CPQ: variants seen among roughly 807,000 people sequenced by gnomAD.
CPQ encodes the protein Ser-Met dipeptidase.
In CPQ, 37 loss-of-function variants were observed where a neutral mutation model predicts 45.7. The observed-to-expected ratio is 0.81, with a 90% confidence interval of 0.62 to 1.07. The LOEUF (loss-of-function observed/expected upper bound fraction) is 1.07. Ranked by LOEUF, CPQ falls within the 50% of genes least tolerant of loss-of-function variation. The probability of loss-of-function intolerance (pLI) is 0.00; values close to 1 mark genes in which losing one functional copy is unlikely to be tolerated. For synonymous variants in CPQ, 186 were observed against 205.8 expected (o/e 0.90, Z 0.82); for missense variants, 537 against 572.9 (o/e 0.94, Z 0.64).
intron 1 of CPQ, among the ~76,000 whole-genome samples, chr8:96,674,556 T>G (rs1311962240): frequency 1.3e-5 from 2 of 152,258 alleles, no homozygotes; most frequent in East Asian, 3.9e-4. Context: ...TTCCTGTTTC[T>G]TTAGATAAAG....
intron 6 of CPQ, among the ~76,000 whole-genome samples, 172 bp downstream of exon 6, chr8:97,029,666 T>C (rs1266756233): frequency 3.3e-5 from 5 of 152,190 alleles, no homozygotes; most frequent in African/African-American, 1.2e-4. Flanking sequence ...GGTAAACCAA[T>C]GATGCTGTGG....
chr8:96,861,004 G>A (rs1250745514), intron 3 of CPQ, among the ~76,000 whole-genome samples: 1 of 152,080 alleles, frequency 6.6e-6, no homozygotes, highest in Non-Finnish European at 1.5e-5. Flanking sequence ...ATATAACGGA[G>A]GAAGGGTCAG....
At chr8:96,829,035 T>C (rs539155802) in intron 2 of CPQ, among the ~76,000 whole-genome samples, 17 of 152,202 alleles carry the variant, frequency 1.1e-4, no homozygotes, top group Admixed American at 2.0e-4. Flanking sequence ...GAATTGAACA[T>C]AATGGGCCTG....
At chr8:96,851,584 G>A (rs923453188) in intron 3 of CPQ, among the ~76,000 whole-genome samples, 3 of 152,136 alleles carry the variant, frequency 2.0e-5, no homozygotes, top group Non-Finnish European at 2.9e-5. Flanking sequence ...CCAAATCTTT[G>A]TGTGAAACCT....
intron 2 of CPQ, 127 bp from the exon 3 acceptor site, chr8:96,834,846 A>C (rs1207518547): frequency 8.0e-6 from 6 of 748,204 alleles, no homozygotes; most frequent in African/African-American, 1.8e-5. Flanking sequence ...AATGGCTCTA[A>C]AACTTTGATC....
chr8:96,958,491 G>T (rs118020845), intron 4 of CPQ, among the ~76,000 whole-genome samples: 1 of 152,090 alleles, frequency 6.6e-6, no homozygotes, highest in South Asian at 2.1e-4. Context: ...ACTTCTGGAT[G>T]CAACCCAGTT....
At chr8:96,746,106 G>T (rs943827231) in intron 1 of CPQ, among the ~76,000 whole-genome samples, 1 of 152,172 alleles carries the variant, frequency 6.6e-6, no homozygotes, top group Non-Finnish European at 1.5e-5. Context: ...GATGTGTACA[G>T]GTGGGGACTT....
At chr8:97,041,351 C>A (rs1287290230) in intron 6 of CPQ, among the ~76,000 whole-genome samples, 3 of 152,102 alleles carry the variant, frequency 2.0e-5, no homozygotes, top group Non-Finnish European at 2.9e-5. Flanking sequence ...TGAGACTTTG[C>A]TGAAGTTGCT....
intron 6 of CPQ, among the ~76,000 whole-genome samples, chr8:97,045,984 C>T (rs1254754360): frequency 2.0e-5 from 3 of 152,226 alleles, no homozygotes; most frequent in East Asian, 1.9e-4. Context: ...GAAGATCAGG[C>T]AGGGAACTGA....
intron 1 of CPQ, among the ~76,000 whole-genome samples, chr8:96,649,454 AAGAT>A (rs1815553935): frequency 6.6e-6 from 1 of 152,252 alleles, no homozygotes; most frequent in African/African-American, 2.4e-5. Flanking sequence ...GATCTAAACT[AAGAT>A]AGGTTTGAGA....
intron 6 of CPQ, among the ~76,000 whole-genome samples, chr8:97,039,686 A>G (rs1435266132): frequency 7.1e-6 from 1 of 141,254 alleles, no homozygotes; most frequent in Non-Finnish European, 1.5e-5. Flanking sequence ...TCCTGTGTCC[A>G]TGTGTTCTCA....
chr8:97,091,755 C>A (rs575136316), intron 7 of CPQ, among the ~76,000 whole-genome samples: 40 of 152,120 alleles, frequency 2.6e-4, no homozygotes, highest in Non-Finnish European at 1.8e-4. Context: ...AGGTTTCTCC[C>A]ATGAAGCAGT....
intron 1 of CPQ, among the ~76,000 whole-genome samples, chr8:96,693,064 G>A (rs773499828): frequency 4.6e-5 from 7 of 152,044 alleles, no homozygotes; most frequent in Admixed American, 2.6e-4. Context: ...ATGCATTAGA[G>A]TATCTTAACA....
chr8:97,137,961 A>G (rs1812092874), intron 7 of CPQ, among the ~76,000 whole-genome samples: 1 of 151,854 alleles, frequency 6.6e-6, no homozygotes, highest in African/African-American at 2.4e-5. Context: ...TCAAGATGTC[A>G]TCATCTGGCC....
chr8:96,670,337 TG>T (rs1481434029), intron 1 of CPQ, among the ~76,000 whole-genome samples: 1,848 of 147,542 alleles, frequency 0.013, 60 homozygotes, highest in African/African-American at 0.041. Flanking sequence ...TTTTTTTTTT[TG>T]GCTGTACTGC....
At chr8:96,756,120 C>T (rs761317231) in intron 1 of CPQ, among the ~76,000 whole-genome samples, 5 of 151,942 alleles carry the variant, frequency 3.3e-5, no homozygotes, top group Admixed American at 6.6e-5. Flanking sequence ...ATTGATTCTT[C>T]GATATGAAAG....
At chr8:97,119,602 A>G (rs758140029) in intron 7 of CPQ, among the ~76,000 whole-genome samples, 34 of 152,126 alleles carry the variant, frequency 2.2e-4, no homozygotes, top group Non-Finnish European at 4.7e-4. Flanking sequence ...CTGTTAGATG[A>G]CTCAGAAATG....
At chr8:96,893,260 T>A (rs780684137) in intron 4 of CPQ, among the ~76,000 whole-genome samples, 1 of 152,130 alleles carries the variant, frequency 6.6e-6, no homozygotes, top group Non-Finnish European at 1.5e-5. Context: ...TTACTCTAAA[T>A]GAAAAAGAAA....
chr8:96,885,775 TC>T (rs1275070818), intron 4 of CPQ, among the ~76,000 whole-genome samples: 1 of 151,984 alleles, frequency 6.6e-6, no homozygotes, highest in Non-Finnish European at 1.5e-5. Context: ...GATAACTAGG[TC>T]AGGAGATGGA....
Sources: allele counts gnomAD v4.1 joint callset (sites outside exome capture counted in the v4.1 genomes callset), GRCh38; gene constraint gnomAD v4.1.1; transcripts MANE v1.5; gene names NCBI Gene and HGNC (gene_info 2026-07-23, HGNC 2026-07-21).